Variants in RERE observed in about 807,000 individuals in gnomAD.
The protein encoded by RERE is arginine-glutamic acid dipeptide repeats protein.
RERE carries 40 observed loss-of-function variants against 146.1 expected under a neutral mutation model. The ratio of observed to expected loss-of-function variants is 0.27; its 90% CI spans 0.21 to 0.36. The LOEUF (loss-of-function observed/expected upper bound fraction) is 0.36, where lower values mean the gene tolerates loss of function less well. RERE is among the 10% of genes least tolerant of loss of function. RERE has a pLI of 1.00. For missense variants in RERE, 1,933 were observed against 2,138.7 expected, an observed-to-expected ratio of 0.90 and a Z score of 1.90; for synonymous variants, 1,003 against 866.0, an observed-to-expected ratio of 1.16 and a Z score of -2.78.
At chr1:8,359,228 T>C (rs1570026865) in intron 19 of RERE, among the ~76,000 whole-genome samples, 1 of 151,958 alleles carries the variant, frequency 6.6e-6, no homozygotes, top group Non-Finnish European at 1.5e-5. Context: ...CATGGGTGAG[T>C]GAGCCCAGCA....
rs771518635 is a variant in RERE, at chr1:8,578,121, G to A, written c.523-20598C>T. Among the ~76,000 whole-genome samples the A allele has an allele frequency of 5.3e-4, 80 of 152,020 alleles. 1 individual carries two copies. Among genetic ancestry groups the A allele is most frequent in the Admixed American group, 3.9e-4 (6 of 15,272 alleles). On this transcript the variant is annotated intron_variant, in intron 4 of 22. Transcript: ENST00000400908. ...GAAAAAAAAAAGGGCGGGGGGGAGA[G>A]GAAATCATTAATAAGGTGTAACTGA...
intron 12 of RERE, among the ~76,000 whole-genome samples, chr1:8,369,418 C>G (rs1330398526): frequency 1.4e-5 from 2 of 146,558 alleles, no homozygotes; most frequent in South Asian, 2.1e-4. Flanking sequence ...AAGAAGTAGT[C>G]CAGAACAGAT....
Position 8,403,825 on chromosome 1 carries a change from C to CTTTTTTTTTTTTTTTTTT in RERE, c.1284+18884_1284+18901dup, listed in dbSNP as rs869295197. On this transcript the variant is annotated intron_variant, in intron 12 of 22. Coordinates refer to ENST00000400908, the MANE Select transcript of RERE (RefSeq NM_001042681.2). ...TCTATTTTTCTTAATAAAATCTTAG[C>CTTTTTTTTTTTTTTTTTT]TTTTTTTTTTTTTTTTTTTTTTTGA... 2.4e-4 allele frequency among the ~76,000 whole-genome samples: 17 copies of CTTTTTTTTTTTTTTTTTT among 70,866 alleles called. 4 individuals are homozygous for CTTTTTTTTTTTTTTTTTT. Among genetic ancestry groups the CTTTTTTTTTTTTTTTTTT allele is most frequent in the African/African-American group, 8.8e-4 (15 of 17,002 alleles). 46.5% of individuals were successfully genotyped at this position (70,866 alleles called of 152,430 possible).
chr1:8,571,886 C>T lies in RERE; in HGVS notation c.523-14363G>A, dbSNP rs1318970827. Among the ~76,000 whole-genome samples, 5 of 147,766 alleles carry T rather than the reference C, an allele frequency of 3.4e-5. No homozygotes were observed. The East Asian group carries it at 9.8e-4, about 29-fold the overall frequency. ...AAGTGTGAGCTGAGCTGGGAAAATG[C>T]TGCTTTAAAAAAGAAAGAAAGAAAA... On this transcript the variant is annotated intron_variant, in intron 4 of 22. Coordinates refer to ENST00000400908, the MANE Select transcript of RERE (RefSeq NM_001042681.2).
In RERE at chr1:8,536,892, TA is replaced by T. The variant is rs758052129; in HGVS notation, c.830+4321del. On this transcript the variant is annotated intron_variant, in intron 7 of 22. Transcript: ENST00000400908. Reference sequence around the variant, plus strand: ...TACTTGGGCAAAAAATTATGCCCCCTAAATTTTTGCCCAATTAAGTTTTGTT... The same window carrying T: ...TACTTGGGCAAAAAATTATGCCCCCTAATTTTTGCCCAATTAAGTTTTGTT... 1.1e-4 allele frequency among the ~76,000 whole-genome samples: 17 copies of T among 152,320 alleles called. No individual in the cohort carries two copies. In the South Asian group the frequency reaches 2.1e-3, roughly 19 times the overall value.
rs768623708 is a variant in RERE, at chr1:8,656,098, G to A, written c.200C>T (p.Thr67Ile). 1.9e-6 allele frequency: 3 copies of A among 1,614,032 alleles called. No individual in the cohort carries two copies. The highest frequency in any genetic ancestry group is 2.5e-6 in the Non-Finnish European group (3 of 1,179,986). The change falls in exon 2 of 23, where the codon ACC becomes ATC. Residue 67 changes from threonine to isoleucine, a missense_variant. Coordinates refer to ENST00000400908, the MANE Select transcript of RERE (RefSeq NM_001042681.2). ...ATTCTTCTTCGTGGACTCCTCTGCG[G>A]TGGCACTATTGTTGTCATTGTCCTC... ...EDEDNDNNSATAEESTKKNKK... is the reference protein window; with the variant it reads ...EDEDNDNNSAIAEESTKKNKK...
At chr1:8,689,357 C>G (rs1044320450) in intron 1 of RERE, among the ~76,000 whole-genome samples, 7 of 152,110 alleles carry the variant, frequency 4.6e-5, no homozygotes, top group Non-Finnish European at 1.0e-4. Context: ...CTAAAATAAA[C>G]AGCAATTTTC....
intron 19 of RERE, among the ~76,000 whole-genome samples, chr1:8,359,181 C>T (rs908328444): frequency 1.3e-5 from 2 of 152,164 alleles, no homozygotes; most frequent in African/African-American, 2.4e-5. Flanking sequence ...GGGTTGTCTA[C>T]GTGTGAGGGT....
At chr1:8,574,007 T>C (rs1032392670) in intron 4 of RERE, among the ~76,000 whole-genome samples, 2 of 151,878 alleles carry the variant, frequency 1.3e-5, no homozygotes, top group African/African-American at 4.8e-5. Flanking sequence ...GGTTTCACCA[T>C]GTTGCCCAGG....
rs61502634 is a variant in RERE, at chr1:8,488,086, CA to C, written c.1104+6976del. On this transcript the variant is annotated intron_variant, in intron 10 of 22. Coordinates refer to ENST00000400908, the MANE Select transcript of RERE (RefSeq NM_001042681.2). ...AAGACCTCTTTAAATTTTTTTTAAT[CA>C]AAAAAAAAAAAAAAATCAAAGACAA... Among the ~76,000 whole-genome samples the C allele has an allele frequency of 6.3e-3, 790 of 126,118 alleles. 3 individuals are homozygous for C. Among genetic ancestry groups the C allele is most frequent in the South Asian group, 0.017 (67 of 3,950 alleles). 82.7% of individuals were successfully genotyped at this position (126,118 alleles called of 152,430 possible). A position where few individuals can be genotyped will look rare whatever the true frequency, so the allele number is the denominator to read the frequency against.
intron 11 of RERE, chr1:8,430,148 A>T (rs761623873): frequency 2.0e-5 from 3 of 152,198 alleles, no homozygotes; most frequent in Admixed American, 2.0e-4. Context: ...TATCTAAAAC[A>T]TATTTCCTTC....
intron 10 of RERE, among the ~76,000 whole-genome samples, chr1:8,486,050 G>A (rs1644894592): frequency 6.6e-6 from 1 of 151,926 alleles, no homozygotes; most frequent in Non-Finnish European, 1.5e-5. Context: ...CGCCCACCTC[G>A]GCCTCCCAAA....
intron 1 of RERE, among the ~76,000 whole-genome samples, chr1:8,690,850 C>T (rs1639191191): frequency 6.6e-6 from 1 of 151,664 alleles, no homozygotes; most frequent in Non-Finnish European, 1.5e-5. Flanking sequence ...TCATTTTGTA[C>T]CTTTTGTTAG....
At chr1:8,689,775 A>G (rs77510852) in intron 1 of RERE, among the ~76,000 whole-genome samples, 1 of 148,176 alleles carries the variant, frequency 6.7e-6, no homozygotes, top group Middle Eastern at 3.3e-3. Flanking sequence ...GGATACAGGA[A>G]AAAAAAAAAA....
chr1:8,466,263 A>G (rs917562419), intron 10 of RERE, among the ~76,000 whole-genome samples: 1 of 152,196 alleles, frequency 6.6e-6, no homozygotes, highest in African/African-American at 2.4e-5. Context: ...TGGCAAAGAT[A>G]GGAATAGGAT....
At chr1:8,628,968 T>C (rs922538946) in intron 2 of RERE, among the ~76,000 whole-genome samples, 4 of 152,162 alleles carry the variant, frequency 2.6e-5, no homozygotes, top group African/African-American at 7.2e-5. Flanking sequence ...CTAGCAGTTC[T>C]GAAAGAACTG....
intron 1 of RERE, among the ~76,000 whole-genome samples, chr1:8,718,148 G>T (rs1026850637): frequency 6.6e-6 from 1 of 152,210 alleles, no homozygotes; most frequent in Admixed American, 6.5e-5. Context: ...TACTAAAGCA[G>T]AATGTGAGAG....
intron 1 of RERE, among the ~76,000 whole-genome samples, chr1:8,677,001 A>C (rs1340833179): frequency 2.6e-5 from 4 of 151,704 alleles, no homozygotes; most frequent in Non-Finnish European, 4.4e-5. Context: ...CTCCCCCTTG[A>C]CTCTCCAATA....
chr1:8,405,516 T>C (rs946366432), intron 12 of RERE, among the ~76,000 whole-genome samples: 3 of 152,228 alleles, frequency 2.0e-5, no homozygotes, highest in African/African-American at 7.2e-5. Context: ...AATTAAAAAT[T>C]AGGTTATAGA....
Sources: gnomAD v4.1 joint callset for allele counts (sites outside exome capture counted in the v4.1 genomes callset) on GRCh38, gnomAD v4.1.1 for gene constraint, MANE v1.5 for transcripts, NCBI Gene and HGNC (gene_info 2026-07-23, HGNC 2026-07-21) for gene names.